Variants in CSMD1 observed in about 807,000 individuals in gnomAD.
CSMD1 encodes CUB and sushi domain-containing protein 1.
A neutral mutation model predicts 417.5 loss-of-function variants in CSMD1; 213 were observed. The ratio of observed to expected loss-of-function variants is 0.51; its 90% CI spans 0.46 to 0.57. The LOEUF is 0.57. Ranked by LOEUF, CSMD1 falls within the 20% of genes least tolerant of loss-of-function variation. The probability of loss-of-function intolerance (pLI) is 0.00; values close to 1 mark genes in which losing one functional copy is unlikely to be tolerated. For synonymous variants in CSMD1, 2,862 were observed against 1,736.8 expected (o/e 1.65, Z -16.11); for missense variants, 6,923 against 4,529.7 (o/e 1.53, Z -15.17).
chr8:4,140,503 A>G (rs1215237318), intron 3 of CSMD1, among the ~76,000 whole-genome samples: 1 of 135,484 alleles, frequency 7.4e-6, no homozygotes, highest in Non-Finnish European at 1.7e-5. Context: ...AAAACAAACA[A>G]ACAAACAAAC....
chr8:3,716,985 A>G (rs1251696211), intron 6 of CSMD1, among the ~76,000 whole-genome samples: 1 of 152,190 alleles, frequency 6.6e-6, no homozygotes, highest in East Asian at 1.9e-4. Context: ...AAAAAAATAA[A>G]AAATTGAGGT....
chr8:3,713,726 C>G lies in CSMD1; in HGVS notation c.932-5235G>C, dbSNP rs9657395. 7.2e-5 allele frequency among the ~76,000 whole-genome samples: 11 copies of G among 152,084 alleles called. No individual in the cohort carries two copies. The East Asian group carries it at 1.2e-3, about 16-fold the overall frequency. ...GCAAAATTCTTTCAAACAAATGTAA[C>G]GTACTCAATATGAGGAGATGCCATT... On this transcript the variant is annotated intron_variant, in intron 6 of 69. Coordinates refer to ENST00000635120, the MANE Select transcript of CSMD1 (RefSeq NM_033225.6).
chr8:3,847,840 A>T (rs1803613668), intron 5 of CSMD1, among the ~76,000 whole-genome samples: 1 of 152,142 alleles, frequency 6.6e-6, no homozygotes, highest in South Asian at 2.1e-4. Flanking sequence ...ACTGATTTAG[A>T]TGTATTTGCT....
At chr8:4,144,684 G>T (rs13263023) in intron 3 of CSMD1, among the ~76,000 whole-genome samples, 5 of 150,710 alleles carry the variant, frequency 3.3e-5, no homozygotes, top group Admixed American at 1.3e-4. Flanking sequence ...CCGACTGTGC[G>T]GTTTTACATA....
intron 3 of CSMD1, among the ~76,000 whole-genome samples, chr8:4,147,021 T>C (rs1714819): frequency 0.99 from 150,570 of 152,030 alleles, 74,574 homozygotes; most frequent in Middle Eastern, 1. Flanking sequence ...GCCAGGAGAG[T>C]CAGAGATCGG....
chr8:3,969,030 C>A (rs1412700975), intron 5 of CSMD1, among the ~76,000 whole-genome samples: 1 of 152,138 alleles, frequency 6.6e-6, no homozygotes, highest in Non-Finnish European at 1.5e-5. Flanking sequence ...GCAGGTGGAT[C>A]ACTTGAGTTC....
At position 4,019,096 on chromosome 8, in the gene CSMD1, C is replaced by T. The variant is rs183715727; in HGVS notation, c.610+12809G>A. On this transcript the variant is annotated intron_variant, in intron 4 of 69. Transcript: ENST00000635120. ...CTAGAAATTGTCTATATCTGGACTA[C>T]TGCTAGATACATATTTTTGTACTAG... is the stretch of plus-strand genomic sequence containing the variant. 5.2e-4 allele frequency among the ~76,000 whole-genome samples: 79 copies of T among 152,270 alleles called. 1 individual carries two copies. The highest frequency in any genetic ancestry group is 9.1e-4 in the Non-Finnish European group (62 of 68,016).
At chr8:3,746,820 C>G (rs142306685) in intron 6 of CSMD1, among the ~76,000 whole-genome samples, 2 of 151,990 alleles carry the variant, frequency 1.3e-5, no homozygotes, top group Non-Finnish European at 1.5e-5. Flanking sequence ...AATAATCATG[C>G]CTGTTTTATC....
chr8:4,306,442 A>T (rs1490624233), intron 3 of CSMD1, among the ~76,000 whole-genome samples: 1 of 152,210 alleles, frequency 6.6e-6, no homozygotes, highest in Non-Finnish European at 1.5e-5. Flanking sequence ...TCAATTGATA[A>T]AAAATATTTT....
intron 7 of CSMD1, among the ~76,000 whole-genome samples, chr8:3,681,675 A>T (rs932244839): frequency 6.6e-6 from 1 of 152,200 alleles, no homozygotes; most frequent in East Asian, 1.9e-4. Context: ...TCTTCACAGA[A>T]TTGGAAAAAA....
chr8:3,453,991 T>C (rs1192477865), intron 12 of CSMD1, among the ~76,000 whole-genome samples: 4 of 152,204 alleles, frequency 2.6e-5, no homozygotes, highest in Non-Finnish European at 4.4e-5. Flanking sequence ...TGAATCTGGG[T>C]GCTCCTGTAT....
chr8:3,410,552 T>C (rs576232065), intron 12 of CSMD1, among the ~76,000 whole-genome samples: 25 of 152,300 alleles, frequency 1.6e-4, no homozygotes, highest in Non-Finnish European at 2.9e-4. Flanking sequence ...CTTTGCCTGC[T>C]GCCATCATGT....
At chr8:3,694,972 T>C (rs557595660) in intron 7 of CSMD1, among the ~76,000 whole-genome samples, 11 of 152,134 alleles carry the variant, frequency 7.2e-5, no homozygotes, top group South Asian at 4.2e-4. Flanking sequence ...GTGAAAATTG[T>C]ATCCTACCTG....
At chr8:3,409,346 C>G (rs773291580) in intron 13 of CSMD1, 77 bp downstream of exon 13, 6 of 1,341,828 alleles carry the variant, frequency 4.5e-6, no homozygotes, top group Non-Finnish European at 4.9e-6. Flanking sequence ...AATGGGCGGT[C>G]TGTGTCTTTC....
At chr8:4,324,491 G>C (rs1430325557) in intron 3 of CSMD1, among the ~76,000 whole-genome samples, 1 of 152,206 alleles carries the variant, frequency 6.6e-6, no homozygotes, top group African/African-American at 2.4e-5. Context: ...CTTGGAAGCA[G>C]ATGAAGTGCA....
chr8:4,064,937 A>G (rs1008460555), intron 3 of CSMD1, among the ~76,000 whole-genome samples: 3 of 152,198 alleles, frequency 2.0e-5, no homozygotes, highest in Admixed American at 1.3e-4. Flanking sequence ...CTTAAAAAAA[A>G]AAACCTTACC....
At chr8:3,969,181 C>G (rs574216996) in intron 5 of CSMD1, among the ~76,000 whole-genome samples, 11 of 152,216 alleles carry the variant, frequency 7.2e-5, no homozygotes, top group Middle Eastern at 3.4e-3. Flanking sequence ...ACCTGGGAGG[C>G]AGTGGTTGCA....
chr8:4,086,604 A>C (rs1053292574), intron 3 of CSMD1, among the ~76,000 whole-genome samples: 1 of 152,196 alleles, frequency 6.6e-6, no homozygotes, highest in Non-Finnish European at 1.5e-5. Flanking sequence ...AACCTTGAAT[A>C]AAGTACAATG....
chr8:3,955,663 A>T (rs886275659), intron 5 of CSMD1, among the ~76,000 whole-genome samples: 5 of 152,250 alleles, frequency 3.3e-5, no homozygotes, highest in African/African-American at 9.6e-5. Context: ...ACCGATTCTA[A>T]AAGAGTGTCT....
Sources: allele counts gnomAD v4.1 joint callset (sites outside exome capture counted in the v4.1 genomes callset), GRCh38; gene constraint gnomAD v4.1.1; transcripts MANE v1.5; gene names NCBI Gene and HGNC (gene_info 2026-07-23, HGNC 2026-07-21).